The following XKR6 variants were observed in gnomAD, a reference collection of about 807,000 sequenced individuals.
XKR6 encodes XK related 6.
XKR6 carries 22 observed loss-of-function variants against 56.7 expected under a neutral mutation model. The ratio of observed to expected loss-of-function variants is 0.39; its 90% confidence interval spans 0.28 to 0.55. XKR6 has a LOEUF of 0.55. Ranked by LOEUF, XKR6 falls within the 20% of genes least tolerant of loss-of-function variation. The pLI, the probability that XKR6 is intolerant of heterozygous loss-of-function variation, is 0.66. For missense variants in XKR6, 852 were observed against 889.0 expected, an observed-to-expected ratio of 0.96 and a Z score of 0.53; for synonymous variants, 524 against 387.8, an observed-to-expected ratio of 1.35 and a Z score of -4.13.
intron 2 of XKR6, among the ~76,000 whole-genome samples, chr8:10,905,909 G>A (rs539302261): frequency 5.3e-5 from 8 of 152,178 alleles, no homozygotes; most frequent in African/African-American, 1.7e-4. Context: ...ACTGTCTCCC[G>A]TCCTCGCCTT....
intron 1 of XKR6, among the ~76,000 whole-genome samples, chr8:10,945,530 C>A (rs1801508952): frequency 6.6e-6 from 1 of 152,182 alleles, no homozygotes; most frequent in Non-Finnish European, 1.5e-5. Flanking sequence ...TTGGCAAACC[C>A]ATGTATTGGA....
At chr8:11,178,537 G>A (rs950745427) in intron 1 of XKR6, among the ~76,000 whole-genome samples, 1 of 102,690 alleles carries the variant, frequency 9.7e-6, no homozygotes, top group Non-Finnish European at 1.9e-5. Flanking sequence ...CCAAACATCT[G>A]AGAGGTAAAA....
At chr8:11,049,611 G>A (rs546924737) in intron 1 of XKR6, among the ~76,000 whole-genome samples, 11 of 152,306 alleles carry the variant, frequency 7.2e-5, no homozygotes, top group African/African-American at 2.4e-4. Context: ...GCTTGGCAGC[G>A]AGACCCATCC....
intron 1 of XKR6, among the ~76,000 whole-genome samples, chr8:11,095,168 C>T (rs948242173): frequency 8.5e-5 from 13 of 152,184 alleles, no homozygotes; most frequent in Admixed American, 2.6e-4. Flanking sequence ...TCATGAGTAG[C>T]GTTCAAGTTT....
At chr8:11,141,383 AC>A (rs899189867) in intron 1 of XKR6, among the ~76,000 whole-genome samples, 1 of 151,956 alleles carries the variant, frequency 6.6e-6, no homozygotes, top group African/African-American at 2.4e-5. Context: ...ATGAGGGTAG[AC>A]CCCCCATGAT....
chr8:11,043,217 A>T (rs1486646566), intron 1 of XKR6, among the ~76,000 whole-genome samples: 1 of 147,526 alleles, frequency 6.8e-6, no homozygotes, highest in Non-Finnish European at 1.5e-5. Context: ...ACTGAAGAGG[A>T]AGAGAAAAAA....
At chr8:10,965,544 G>T (rs1443499605) in intron 1 of XKR6, among the ~76,000 whole-genome samples, 1 of 152,230 alleles carries the variant, frequency 6.6e-6, no homozygotes, top group Non-Finnish European at 1.5e-5. Flanking sequence ...CATCGTACAT[G>T]AGCTGCTAAG....
At chr8:11,186,594 G>A (rs1375785388) in intron 1 of XKR6, among the ~76,000 whole-genome samples, 2 of 152,070 alleles carry the variant, frequency 1.3e-5, no homozygotes, top group Admixed American at 1.3e-4. Flanking sequence ...TGCCCAGGTT[G>A]GTCTCAAACT....
At chr8:11,172,655 G>A (rs1475895316) in intron 1 of XKR6, among the ~76,000 whole-genome samples, 3 of 152,168 alleles carry the variant, frequency 2.0e-5, no homozygotes, top group African/African-American at 7.2e-5. Flanking sequence ...AATTGGTAAT[G>A]TAGAAAGGAG....
At chr8:11,091,458 G>GAA (rs1798069100) in intron 1 of XKR6, among the ~76,000 whole-genome samples, 1 of 148,302 alleles carries the variant, frequency 6.7e-6, no homozygotes, top group Non-Finnish European at 1.5e-5. Flanking sequence ...TAAATAAATA[G>GAA]ATAGATAGAT....
At chr8:11,124,384 C>A in intron 1 of XKR6, 1 of 176,840 alleles carries the variant, frequency 5.7e-6, no homozygotes, top group African/African-American at 2.4e-5. Flanking sequence ...GTACACACAT[C>A]CAATGAAACA....
intron 1 of XKR6, among the ~76,000 whole-genome samples, chr8:11,036,730 T>G (rs2129154183): frequency 6.6e-6 from 1 of 152,370 alleles, no homozygotes. Flanking sequence ...TAACTGTGTT[T>G]TTAAACCACA....
At chr8:11,126,341 C>G (rs1487515702) in intron 1 of XKR6, among the ~76,000 whole-genome samples, 1 of 152,202 alleles carries the variant, frequency 6.6e-6, no homozygotes, top group Non-Finnish European at 1.5e-5. Flanking sequence ...GCTGGGATTA[C>G]AGGCGTGAGC....
At chr8:11,098,834 A>T (rs1798358735) in intron 1 of XKR6, among the ~76,000 whole-genome samples, 1 of 152,218 alleles carries the variant, frequency 6.6e-6, no homozygotes, top group Admixed American at 6.5e-5. Context: ...GGAGAAATAC[A>T]AATTCTGTTC....
chr8:11,150,336 T>C (rs1383476957), intron 1 of XKR6, among the ~76,000 whole-genome samples: 1 of 152,188 alleles, frequency 6.6e-6, no homozygotes, highest in African/African-American at 2.4e-5. Flanking sequence ...AAACACCACA[T>C]GTACCCCATG....
chr8:10,956,606 A>C (rs1202348141), intron 1 of XKR6, among the ~76,000 whole-genome samples: 2 of 152,218 alleles, frequency 1.3e-5, no homozygotes, highest in Non-Finnish European at 2.9e-5. Context: ...TCCAGGAGTC[A>C]GGAGTCTACA....
chr8:10,976,981 C>T (rs913214106), intron 1 of XKR6, among the ~76,000 whole-genome samples: 6 of 152,140 alleles, frequency 3.9e-5, no homozygotes, highest in African/African-American at 1.4e-4. Context: ...TCTTCCCCAG[C>T]CCATCCCACC....
intron 1 of XKR6, among the ~76,000 whole-genome samples, chr8:11,122,704 ATGGTC>A (rs1321899494): frequency 2.6e-5 from 4 of 152,172 alleles, no homozygotes; most frequent in Non-Finnish European, 5.9e-5. Context: ...ACCTCTCCTC[ATGGTC>A]TGTTTACCAT....
intron 1 of XKR6, chr8:11,105,602 C>G (rs1285374144): frequency 6.6e-6 from 1 of 152,220 alleles, no homozygotes; most frequent in African/African-American, 2.4e-5. Context: ...TTTAGATCAT[C>G]GTATTGATAC....
Sources: gnomAD v4.1 joint callset for allele counts (sites outside exome capture counted in the v4.1 genomes callset) on GRCh38, gnomAD v4.1.1 for gene constraint, MANE v1.5 for transcripts, NCBI Gene and HGNC (gene_info 2026-07-23, HGNC 2026-07-21) for gene names.